Variants in PRDM15 observed in about 807,000 individuals in gnomAD.
PRDM15 encodes PR domain zinc finger protein 15.
PRDM15 carries 64 observed loss-of-function variants against 128.6 expected under a neutral mutation model. The ratio of observed to expected loss-of-function variants is 0.50; its 90% CI spans 0.41 to 0.61. PRDM15 has a LOEUF of 0.61. PRDM15 is among the 20% of genes least tolerant of loss of function. PRDM15 has a pLI of 0.00. For synonymous variants in PRDM15, 615 were observed against 621.8 expected (o/e 0.99, Z 0.16); for missense variants, 1,242 against 1,569.1 (o/e 0.79, Z 3.52).
Position 41,828,051 on chromosome 21 carries a change from G to T in PRDM15, c.1534+115C>A. On this transcript the variant is annotated intron_variant, in intron 12 of 23. Coordinates refer to ENST00000398548, the MANE Select transcript of PRDM15 (RefSeq NM_001040424.3). This position sits in a 1 kb window ranked among gnomAD's most constrained non-coding sequence, Gnocchi z 5.7. ...GGATGGCGGGCGTTTCCAGGCAAAG[G>T]AGCAGGCGGCACCGAACTGCTCCCC... is the stretch of plus-strand genomic sequence containing the variant. 1 of 1,041,614 alleles carries T rather than the reference G, an allele frequency of 9.6e-7. No homozygotes were observed. Among genetic ancestry groups the T allele is most frequent in the Non-Finnish European group, 1.4e-6 (1 of 701,898 alleles). 64.5% of individuals were successfully genotyped at this position (1,041,614 alleles called of 1,614,324 possible).
intron 1 of PRDM15, among the ~76,000 whole-genome samples, chr21:41,876,925 T>C (rs1441784879): frequency 2.0e-5 from 3 of 152,116 alleles, no homozygotes; most frequent in African/African-American, 7.2e-5. Flanking sequence ...AGCCAAAAGA[T>C]GCAGACTCTG....
At chr21:41,876,720 C>T (rs1471849712) in intron 1 of PRDM15, among the ~76,000 whole-genome samples, 1 of 152,200 alleles carries the variant, frequency 6.6e-6, no homozygotes, top group Non-Finnish European at 1.5e-5. Flanking sequence ...CCCCTGAATG[C>T]CTCAGGTCAC....
chr21:41,819,900 G>A lies in PRDM15; in HGVS notation c.2140+195C>T, dbSNP rs1488474728. On this transcript the variant is annotated intron_variant, in intron 17 of 23. Transcript: ENST00000398548. ...CCAGTAGATCCCTGAGGACCTGGAGGGGTGAGGGGGCTGGGGGCGCTGGGC... is the reference window on the plus strand; with the variant it reads ...CCAGTAGATCCCTGAGGACCTGGAGAGGTGAGGGGGCTGGGGGCGCTGGGC... The A allele has an allele frequency of 5.1e-6, 4 of 779,228 alleles. No individual in the cohort carries two copies. The East Asian group carries it at 1.1e-4, about 21-fold the overall frequency. The allele number at this position is 779,228 out of a possible 1,614,324, so 48.3% of individuals were successfully genotyped here.
intron 1 of PRDM15, among the ~76,000 whole-genome samples, chr21:41,870,455 A>G (rs1399159820): frequency 6.6e-6 from 1 of 152,196 alleles, no homozygotes; most frequent in Non-Finnish European, 1.5e-5. Context: ...TGACAATATT[A>G]AAAGCACTCA....
In PRDM15 at chr21:41,801,361, G is replaced by A. The variant is rs776365265; in HGVS notation, c.3305C>T (p.Thr1102Met). 4.4e-5 allele frequency: 70 copies of A among 1,607,922 alleles called. No homozygotes were observed. Among genetic ancestry groups the A allele is most frequent in the Non-Finnish European group, 5.4e-5 (64 of 1,175,382 alleles). Residue 1102 changes from threonine to methionine, a missense_variant, in exon 24 of 24, where the codon ACG becomes ATG. Coordinates refer to ENST00000398548, the MANE Select transcript of PRDM15 (RefSeq NM_001040424.3). ...GTCAGTCTGGGGCACTGCCCGCCAC[G>A]TGAGCGGGTGCTGGTCACTAAGCTG... The part of the protein sequence containing the change: ...GSQLSDQHPL[T>M]WRAVPQTDVL...
Position 41,801,317 on chromosome 21 carries a change from GCTGCGA to G in PRDM15, c.3343_3348del (p.Ser1115_Gln1116del). On this transcript the variant is annotated inframe_deletion, in exon 24 of 24. Coordinates refer to ENST00000398548, the MANE Select transcript of PRDM15 (RefSeq NM_001040424.3). ...GCCGCCTGCTGTGGGGGTGCCTGCG[GCTGCGA>G]GGGTGGCAAGACGTCAGTCTGGGGC... 2 of 1,577,474 alleles carry G rather than the reference GCTGCGA, an allele frequency of 1.3e-6. No individual in the cohort carries two copies. Among genetic ancestry groups the G allele is most frequent in the Non-Finnish European group, 1.7e-6 (2 of 1,159,254 alleles).
rs572113728 is a variant in PRDM15 at position 41,832,355 on chromosome 21, C to T, written c.1366+3082G>A. Among the ~76,000 whole-genome samples the T allele has an allele frequency of 6.6e-6, 1 of 151,920 alleles. No homozygotes were observed. The highest frequency in any genetic ancestry group is 6.6e-5 in the Admixed American group (1 of 15,266). ...ACCTTACAGCACTGTGGCATCGGAT[C>T]ACCACAGGCCACACCTTTACAGCAC... On this transcript the variant is annotated intron_variant, in intron 11 of 23. Transcript: ENST00000398548. The surrounding 1 kb of genome is among the most constrained non-coding windows in gnomAD (Gnocchi z 4.2).
chr21:41,806,668 T>C (rs1335630326), intron 21 of PRDM15, among the ~76,000 whole-genome samples: 5 of 11,994 alleles, frequency 4.2e-4, no homozygotes, highest in Admixed American at 1.6e-3. Context: ...ACCACCACCA[T>C]CACCATCACC....
intron 5 of PRDM15, among the ~76,000 whole-genome samples, chr21:41,853,224 A>G (rs2145832926): frequency 6.6e-6 from 1 of 152,394 alleles, no homozygotes; most frequent in South Asian, 2.1e-4. Flanking sequence ...ACCTGGGATT[A>G]GGGACAACCA....
Position 41,859,986 on chromosome 21 carries a change from C to T in PRDM15, c.38-301G>A, listed in dbSNP as rs1282503656. ...ACGGTCACCTCCATGGTGACGAAGA[C>T]CAAGACCCTCCCCAAAGAATGAGCA... On this transcript the variant is annotated intron_variant, in intron 2 of 23. Coordinates refer to ENST00000398548, the MANE Select transcript of PRDM15 (RefSeq NM_001040424.3). This position sits in a 1 kb window ranked among gnomAD's most constrained non-coding sequence, Gnocchi z 5.3. Among the ~76,000 whole-genome samples the T allele has an allele frequency of 6.6e-6, 1 of 152,114 alleles. No homozygotes were observed. The highest frequency in any genetic ancestry group is 2.4e-5 in the African/African-American group (1 of 41,418).
At chr21:41,875,914 T>C (rs1377462224) in intron 1 of PRDM15, among the ~76,000 whole-genome samples, 1 of 152,148 alleles carries the variant, frequency 6.6e-6, no homozygotes, top group African/African-American at 2.4e-5. Flanking sequence ...GCAAACATGA[T>C]AGAGTGTACA....
At chr21:41,818,031 TCTGC>T (rs1285100381) in intron 18 of PRDM15, among the ~76,000 whole-genome samples, 16 of 152,364 alleles carry the variant, frequency 1.1e-4, no homozygotes, top group South Asian at 8.3e-4. Context: ...GTGGCTCCTC[TCTGC>T]CTGCCTAAGA....
Position 41,857,822 on chromosome 21 carries a change from G to A in PRDM15, c.132-493C>T, listed in dbSNP as rs562109018. ...GGTGCTCAATGATGACTGAGACTGA[G>A]GTTGTGATGATGCCCTCGGGCTGTG... On this transcript the variant is annotated intron_variant, in intron 3 of 23. Transcript: ENST00000398548. Among the ~76,000 whole-genome samples the A allele has an allele frequency of 9.8e-5, 15 of 152,360 alleles. No individual in the cohort carries two copies. The East Asian group carries it at 2.5e-3, about 25-fold the overall frequency.
At chr21:41,863,509 A>C (rs1363799923) in intron 1 of PRDM15, among the ~76,000 whole-genome samples, 5 of 152,160 alleles carry the variant, frequency 3.3e-5, no homozygotes, top group Non-Finnish European at 4.4e-5. Flanking sequence ...TCACAGTAAG[A>C]CCACAGTAAT....
At chr21:41,815,501 G>A (rs1174337306) in intron 19 of PRDM15, among the ~76,000 whole-genome samples, 3 of 152,202 alleles carry the variant, frequency 2.0e-5, no homozygotes, top group Non-Finnish European at 2.9e-5. Context: ...CATGCTCTCC[G>A]GTGACGAGGC....
intron 12 of PRDM15, among the ~76,000 whole-genome samples, chr21:41,827,108 C>A (rs2062497003): frequency 6.6e-6 from 1 of 152,172 alleles, no homozygotes; most frequent in Non-Finnish European, 1.5e-5. Context: ...AACTGAGGCA[C>A]AGTAGCTTGC....
At chr21:41,834,911 A>G (rs76594820) in intron 11 of PRDM15, among the ~76,000 whole-genome samples, 14,355 of 152,288 alleles carry the variant, frequency 0.094, 903 homozygotes, top group Non-Finnish European at 0.14. Context: ...CACAAGGAAA[A>G]TGCTTTATTT....
At chr21:41,829,292 ACAAT>A (rs1483538382) in intron 11 of PRDM15, among the ~76,000 whole-genome samples, 1 of 151,136 alleles carries the variant, frequency 6.6e-6, no homozygotes, top group African/African-American at 2.4e-5. Flanking sequence ...ACACAAATAC[ACAAT>A]CACATACCAC....
chr21:41,821,906 G>A lies in PRDM15; in HGVS notation c.1893C>T (p.Cys631=), dbSNP rs2062285137. 7 of 1,614,002 alleles carry A rather than the reference G, an allele frequency of 4.3e-6. No homozygotes were observed. Among genetic ancestry groups the A allele is most frequent in the Non-Finnish European group, 5.9e-6 (7 of 1,180,032 alleles). The change falls in exon 15 of 24, where the codon TGC becomes TGT. Residue 631 remains cysteine, a synonymous_variant. Transcript: ENST00000398548. The surrounding 1 kb of genome is among the most constrained non-coding windows in gnomAD (Gnocchi z 5.4). ...SEPHKYSCKR[C]QLTFGRGKEY... The stretch of plus-strand genomic sequence containing the variant: ...CCGCGGGGCAAACCCGCCATACCTG[G>A]CACCGCTTGCAGCTGTACTTGTGAG...
Sources: gnomAD v4.1 joint callset for allele counts (sites outside exome capture counted in the v4.1 genomes callset) on GRCh38, gnomAD v4.1.1 for gene constraint, Gnocchi (gnomAD v3.1) non-coding constraint, MANE v1.5 for transcripts, NCBI Gene and HGNC (gene_info 2026-07-23, HGNC 2026-07-21) for gene names.